Variants in CYTH3 observed in about 807,000 individuals in gnomAD.
CYTH3 encodes cytohesin-3.
In CYTH3, 23 loss-of-function variants were observed where a neutral mutation model predicts 55.1. The observed-to-expected ratio is 0.42, with a 90% CI of 0.30 to 0.59. The LOEUF (loss-of-function observed/expected upper bound fraction) is 0.59. CYTH3 is among the 20% of genes least tolerant of loss of function. The pLI, the probability that CYTH3 is intolerant of heterozygous loss-of-function variation, is 0.20. For synonymous variants in CYTH3, 249 were observed against 194.9 expected (o/e 1.28, Z -2.31); for missense variants, 413 against 524.8 (o/e 0.79, Z 2.08).
intron 1 of CYTH3, among the ~76,000 whole-genome samples, chr7:6,217,892 T>C (rs79542428): frequency 6.6e-6 from 1 of 150,918 alleles, no homozygotes; most frequent in African/African-American, 2.4e-5. Context: ...AAAAAAAAAA[T>C]AGATGGAGAG....
Position 6,199,938 on chromosome 7 carries a change from T to G in CYTH3, c.35-9407A>C, listed in dbSNP as rs1323559732. ...TGATGGTAGACTGAGAAATGAAAGG[T>G]GTATATATAAATCCTAAACCAACCA... On this transcript the variant is annotated intron_variant, in intron 1 of 12. Transcript: ENST00000350796. Among the ~76,000 whole-genome samples the G allele has an allele frequency of 2.0e-5, 3 of 152,268 alleles. No homozygotes were observed. The East Asian group carries it at 5.8e-4, about 29-fold the overall frequency.
intron 1 of CYTH3, among the ~76,000 whole-genome samples, chr7:6,241,149 A>G (rs963620997): frequency 1.3e-5 from 2 of 152,092 alleles, no homozygotes; most frequent in Admixed American, 1.3e-4. Context: ...ATTTGGTTGC[A>G]TTAAACACAC....
At chr7:6,202,354 C>A (rs528866472) in intron 1 of CYTH3, among the ~76,000 whole-genome samples, 39 of 152,308 alleles carry the variant, frequency 2.6e-4, no homozygotes, top group African/African-American at 8.7e-4. Flanking sequence ...CCCCGGCTGG[C>A]CTTCCAGCTG....
At chr7:6,189,118 A>T (rs556553201) in intron 2 of CYTH3, among the ~76,000 whole-genome samples, 31 of 152,284 alleles carry the variant, frequency 2.0e-4, no homozygotes, top group Non-Finnish European at 3.8e-4. Flanking sequence ...GACTTTCCCA[A>T]GGAAGCCCCA....
intron 1 of CYTH3, among the ~76,000 whole-genome samples, chr7:6,269,271 C>T (rs1467458871): frequency 1.3e-5 from 2 of 152,190 alleles, no homozygotes; most frequent in Non-Finnish European, 2.9e-5. Flanking sequence ...TTTGAAACGA[C>T]CTTGCCGTTC....
rs186416199 is a variant in CYTH3 at position 6,198,944 on chromosome 7, A to G, written c.35-8413T>C. Among the ~76,000 whole-genome samples, 23 of 152,304 alleles carry G rather than the reference A, an allele frequency of 1.5e-4. No homozygotes were observed. In the East Asian group the frequency reaches 4.2e-3, roughly 28 times the overall value. ...TCGTCTGATGGAGGAGGTTGGACAC[A>G]CTGGTTTATTTCTAACAATGCATCA... On this transcript the variant is annotated intron_variant, in intron 1 of 12. Transcript: ENST00000350796.
rs900673453 is a variant in CYTH3 at position 6,167,352 on chromosome 7, A to G, written c.824-1542T>C. On this transcript the variant is annotated intron_variant, in intron 9 of 12. Coordinates refer to ENST00000350796, the MANE Select transcript of CYTH3 (RefSeq NM_004227.4). This position sits in a 1 kb window ranked among gnomAD's most constrained non-coding sequence, Gnocchi z 5.5. Reference sequence around the variant, plus strand: ...AGGTGTTCTATGTCCCCGAGACCCTAGGGACAGGAGGACAGTGCTGATTCC... The same window carrying G: ...AGGTGTTCTATGTCCCCGAGACCCTGGGGACAGGAGGACAGTGCTGATTCC... 6.6e-6 allele frequency among the ~76,000 whole-genome samples: 1 copy of G among 152,102 alleles called. No homozygotes were observed. Among genetic ancestry groups the G allele is most frequent in the African/African-American group, 2.4e-5 (1 of 41,406 alleles).
At chr7:6,179,760 C>CCA (rs1289258293) in intron 4 of CYTH3, among the ~76,000 whole-genome samples, 5 of 110,414 alleles carry the variant, frequency 4.5e-5, no homozygotes, top group Admixed American at 9.2e-5. Flanking sequence ...CACACCCCCA[C>CCA]CACACACACC....
intron 4 of CYTH3, among the ~76,000 whole-genome samples, chr7:6,183,809 A>C (rs1201795209): frequency 6.6e-6 from 1 of 151,946 alleles, no homozygotes; most frequent in East Asian, 1.9e-4. Context: ...TTTTGGAGGT[A>C]ATCAGTGTTA....
At chr7:6,261,793 T>G (rs142209535) in intron 1 of CYTH3, among the ~76,000 whole-genome samples, 4 of 150,940 alleles carry the variant, frequency 2.7e-5, no homozygotes, top group African/African-American at 9.7e-5. Flanking sequence ...TTGAATTATC[T>G]CTATAATTTT....
intron 1 of CYTH3, among the ~76,000 whole-genome samples, chr7:6,257,498 T>A (rs781361598): frequency 2.0e-5 from 3 of 152,236 alleles, no homozygotes; most frequent in Non-Finnish European, 4.4e-5. Context: ...AATGTACACG[T>A]TAAAATACAC....
chr7:6,256,370 T>C (rs1780105022), intron 1 of CYTH3, among the ~76,000 whole-genome samples: 1 of 152,244 alleles, frequency 6.6e-6, no homozygotes. Flanking sequence ...CTGAAAGGAC[T>C]AGGATAGTGG....
intron 1 of CYTH3, among the ~76,000 whole-genome samples, chr7:6,254,425 A>G (rs1177398962): frequency 2.0e-5 from 3 of 152,218 alleles, no homozygotes; most frequent in Admixed American, 6.5e-5. Context: ...GACGAGTGCT[A>G]AAGTATTTCT....
At chr7:6,181,321 A>G (rs1454455273) in intron 4 of CYTH3, among the ~76,000 whole-genome samples, 4 of 152,198 alleles carry the variant, frequency 2.6e-5, no homozygotes, top group Non-Finnish European at 5.9e-5. Context: ...CCAATTACAC[A>G]ATTCCTAGAC....
At position 6,267,176 on chromosome 7, in the gene CYTH3, G is replaced by A. The variant is rs191153368; in HGVS notation, c.34+5298C>T. Among the ~76,000 whole-genome samples the A allele has an allele frequency of 1.2e-3, 185 of 152,290 alleles. 1 individual carries two copies. Among genetic ancestry groups the A allele is most frequent in the Non-Finnish European group, 8.1e-4 (55 of 68,026 alleles). On this transcript the variant is annotated intron_variant, in intron 1 of 12. Transcript: ENST00000350796. ...GCTCCCTGAGGCCTCCCCAGGAGCC[G>A]AGCAGATGCTGGCACCATGCCTGTA...
intron 1 of CYTH3, among the ~76,000 whole-genome samples, chr7:6,198,094 G>GA (rs76022025): frequency 0.034 from 1,672 of 48,570 alleles, 25 homozygotes; most frequent in African/African-American, 0.086. Flanking sequence ...ACACTCTTAA[G>GA]AAAAAAAAAA....
At chr7:6,253,944 G>A (rs1251674501) in intron 1 of CYTH3, among the ~76,000 whole-genome samples, 2 of 151,806 alleles carry the variant, frequency 1.3e-5, no homozygotes, top group Non-Finnish European at 2.9e-5. Context: ...AGTGAGCCAA[G>A]ATCATGCCAC....
chr7:6,209,103 A>G (rs985038185), intron 1 of CYTH3, among the ~76,000 whole-genome samples: 4 of 152,264 alleles, frequency 2.6e-5, no homozygotes, highest in African/African-American at 7.2e-5. Flanking sequence ...AATGTGACAC[A>G]GTCAATCTTG....
chr7:6,184,121 C>T (rs573386212), intron 4 of CYTH3, among the ~76,000 whole-genome samples: 15 of 113,986 alleles, frequency 1.3e-4, no homozygotes, highest in East Asian at 3.1e-4. Flanking sequence ...AGTGCAGGGG[C>T]GGAATCTCGG....
Sources: allele counts gnomAD v4.1 joint callset (sites outside exome capture counted in the v4.1 genomes callset), GRCh38; gene constraint gnomAD v4.1.1; non-coding constraint Gnocchi (gnomAD v3.1); transcripts MANE v1.5; gene names NCBI Gene and HGNC (gene_info 2026-07-23, HGNC 2026-07-21).